Variants in DLG2 observed in about 807,000 individuals in gnomAD.
DLG2 encodes the protein discs large MAGUK scaffold protein 2.
A neutral mutation model predicts 132.5 loss-of-function variants in DLG2; 45 were observed. That is an observed-to-expected ratio of 0.34 (90% CI 0.27 to 0.44). The LOEUF is 0.44. Ranked by LOEUF, DLG2 falls within the 20% of genes least tolerant of loss-of-function variation. DLG2 has a pLI of 1.00. For missense variants in DLG2, 1,045 were observed against 1,196.9 expected (o/e 0.87, Z 1.87); for synonymous variants, 424 against 419.6 (o/e 1.01, Z -0.13).
intron 4 of DLG2, among the ~76,000 whole-genome samples, chr11:85,224,550 T>A (rs749479712): frequency 6.6e-6 from 1 of 152,140 alleles, no homozygotes; most frequent in Non-Finnish European, 1.5e-5. Flanking sequence ...AAATCAAATA[T>A]TAGCAGAAAT....
intron 6 of DLG2, among the ~76,000 whole-genome samples, chr11:85,076,507 T>C (rs919287148): frequency 1.3e-5 from 2 of 151,938 alleles, no homozygotes; most frequent in African/African-American, 2.4e-5. Context: ...CTGTCTCAAA[T>C]TTTAAGAGTG....
chr11:84,098,584 GTGTATCCTTTTGATAATTA>G (rs1781298564), intron 10 of DLG2, among the ~76,000 whole-genome samples: 1 of 152,092 alleles, frequency 6.6e-6, no homozygotes. Flanking sequence ...GCTACTTATA[GTGTATCCTTTTGATAATTA>G]TATTATTTGC....
At chr11:84,538,809 G>A (rs886552440) in intron 6 of DLG2, among the ~76,000 whole-genome samples, 2 of 152,088 alleles carry the variant, frequency 1.3e-5, no homozygotes, top group African/African-American at 4.8e-5. Flanking sequence ...ACTCTGCCCA[G>A]TGCCAACCAG....
chr11:84,568,261 C>A lies in DLG2; in HGVS notation c.358-33530G>T, dbSNP rs568351481. On this transcript the variant is annotated intron_variant, in intron 6 of 27. Coordinates refer to ENST00000376104, the MANE Select transcript of DLG2 (RefSeq NM_001142699.3). ...CGTTGGCTCACGCCTGTAATCCCAG[C>A]ATTTTGGGAGGCCAAGGCGGATGGA... Among the ~76,000 whole-genome samples, 5 of 152,330 alleles carry A rather than the reference C, an allele frequency of 3.3e-5. No individual in the cohort carries two copies. The South Asian group carries it at 8.3e-4, about 25-fold the overall frequency.
intron 18 of DLG2, among the ~76,000 whole-genome samples, chr11:83,730,208 T>C (rs1313162206): frequency 1.3e-5 from 2 of 150,842 alleles, no homozygotes; most frequent in African/African-American, 4.9e-5. Context: ...ATGTTCACTT[T>C]ACTGTTTCAT....
chr11:83,570,274 GTATTAACGTACAGAATAT>G (rs1401012547), intron 19 of DLG2, among the ~76,000 whole-genome samples: 41 of 152,268 alleles, frequency 2.7e-4, no homozygotes, highest in Non-Finnish European at 5.1e-4. Flanking sequence ...CCTGTGATGT[GTATTAACGTACAGAATAT>G]TATTAACGTA....
At chr11:85,298,070 T>C (rs2079354112) in intron 3 of DLG2, among the ~76,000 whole-genome samples, 1 of 152,038 alleles carries the variant, frequency 6.6e-6, no homozygotes, top group Non-Finnish European at 1.5e-5. Context: ...TGTGAGAGCC[T>C]GAGTTTGGTG....
intron 6 of DLG2, among the ~76,000 whole-genome samples, chr11:85,030,256 T>G (rs1302470901): frequency 6.6e-6 from 1 of 152,216 alleles, no homozygotes; most frequent in Non-Finnish European, 1.5e-5. Flanking sequence ...TGGGTTTTGG[T>G]TGTTGCTTCA....
At chr11:85,358,928 C>G (rs1052749182) in intron 3 of DLG2, among the ~76,000 whole-genome samples, 1 of 151,972 alleles carries the variant, frequency 6.6e-6, no homozygotes, top group Admixed American at 6.6e-5. Context: ...CTTTATCTTA[C>G]CTAAGTTTTT....
chr11:85,120,783 T>C (rs2074214111), intron 5 of DLG2, among the ~76,000 whole-genome samples: 1 of 152,078 alleles, frequency 6.6e-6, no homozygotes, highest in Non-Finnish European at 1.5e-5. Flanking sequence ...AATTTGACTT[T>C]TGGATATTCT....
intron 6 of DLG2, among the ~76,000 whole-genome samples, chr11:85,066,621 G>A (rs1258333041): frequency 6.6e-6 from 1 of 151,662 alleles, no homozygotes; most frequent in Non-Finnish European, 1.5e-5. Context: ...ATCCAGGGAT[G>A]TAAGGGTAGT....
intron 6 of DLG2, among the ~76,000 whole-genome samples, chr11:84,781,517 A>G (rs2071772507): frequency 6.6e-6 from 1 of 151,810 alleles, no homozygotes; most frequent in Admixed American, 6.6e-5. Flanking sequence ...CTAATACATG[A>G]TAATAAAATA....
At chr11:84,904,445 G>T (rs552360956) in intron 6 of DLG2, among the ~76,000 whole-genome samples, 11 of 152,082 alleles carry the variant, frequency 7.2e-5, no homozygotes, top group African/African-American at 2.4e-4. Context: ...TATGGCCTCC[G>T]TTTACTTTTT....
chr11:84,076,594 T>C (rs1257810832), intron 10 of DLG2, among the ~76,000 whole-genome samples: 4 of 152,164 alleles, frequency 2.6e-5, no homozygotes, highest in African/African-American at 9.7e-5. Flanking sequence ...ATAACTCCTA[T>C]CTATGCTATT....
chr11:84,198,011 C>G (rs1327777113), intron 8 of DLG2, among the ~76,000 whole-genome samples: 2 of 152,068 alleles, frequency 1.3e-5, no homozygotes, highest in East Asian at 3.8e-4. Flanking sequence ...AGATACTTTT[C>G]CCTCAAAACT....
chr11:84,941,749 G>T (rs2049462487), intron 6 of DLG2, among the ~76,000 whole-genome samples: 1 of 148,496 alleles, frequency 6.7e-6, no homozygotes, highest in African/African-American at 2.5e-5. Flanking sequence ...GGATAATACT[G>T]GCCTCACAGA....
chr11:83,733,296 A>T (rs1398377930), intron 18 of DLG2, among the ~76,000 whole-genome samples: 1 of 151,772 alleles, frequency 6.6e-6, no homozygotes, highest in Non-Finnish European at 1.5e-5. Context: ...AATTGAGTCA[A>T]ATGGCAACCC....
chr11:84,323,551 A>G (rs1417523030), intron 7 of DLG2, among the ~76,000 whole-genome samples: 1 of 152,150 alleles, frequency 6.6e-6, no homozygotes, highest in Non-Finnish European at 1.5e-5. Flanking sequence ...TTTTGAATAA[A>G]CACTCAAAAG....
At chr11:83,734,254 T>G (rs932479658) in intron 18 of DLG2, among the ~76,000 whole-genome samples, 6 of 152,174 alleles carry the variant, frequency 3.9e-5, no homozygotes, top group Non-Finnish European at 5.9e-5. Flanking sequence ...CTGAGTAACC[T>G]TCTTTAAAAG....
Sources: gnomAD v4.1 joint callset for allele counts (sites outside exome capture counted in the v4.1 genomes callset) on GRCh38, gnomAD v4.1.1 for gene constraint, MANE v1.5 for transcripts, NCBI Gene and HGNC (gene_info 2026-07-23, HGNC 2026-07-21) for gene names.